HMGA2: variants seen among roughly 807,000 people sequenced by gnomAD.
HMGA2 encodes the protein high mobility group AT-hook 2.
Under a neutral mutation model 19.1 loss-of-function variants are expected in HMGA2, and 8 were observed. The ratio of observed to expected loss-of-function variants is 0.42; its 90% CI spans 0.25 to 0.76. HMGA2 has a LOEUF of 0.76. HMGA2 is among the 30% of genes least tolerant of loss of function. The pLI is 0.28. For missense variants in HMGA2, 109 were observed against 136.3 expected, an observed-to-expected ratio of 0.80 and a Z score of 1.00; for synonymous variants, 60 against 48.8, an observed-to-expected ratio of 1.23 and a Z score of -0.96.
chr12:65,961,554 G>A (rs1016765765), intron 4 of HMGA2, among the ~76,000 whole-genome samples: 1 of 152,144 alleles, frequency 6.6e-6, no homozygotes, highest in African/African-American at 2.4e-5. Flanking sequence ...AAACAAAACC[G>A]GTGTGAAATC....
chr12:65,909,914 G>T (rs1183106162), intron 3 of HMGA2, among the ~76,000 whole-genome samples: 1 of 152,232 alleles, frequency 6.6e-6, no homozygotes, highest in Non-Finnish European at 1.5e-5. Flanking sequence ...GACCTATTTG[G>T]CTCACGTAGT....
At chr12:65,864,247 TA>T (rs758710966) in intron 3 of HMGA2, among the ~76,000 whole-genome samples, 9 of 151,768 alleles carry the variant, frequency 5.9e-5, no homozygotes, top group South Asian at 2.1e-4. Flanking sequence ...TCCTAATTCA[TA>T]AAAAAAACAC....
intron 3 of HMGA2, among the ~76,000 whole-genome samples, chr12:65,886,519 C>G (rs1054021316): frequency 6.6e-6 from 1 of 152,048 alleles, no homozygotes; most frequent in African/African-American, 2.4e-5. Flanking sequence ...TCCCCATGCC[C>G]GGCTAATATT....
chr12:65,855,439 TTCTCTCTC>T (rs796480425), intron 3 of HMGA2, among the ~76,000 whole-genome samples: 1 of 116,762 alleles, frequency 8.6e-6, no homozygotes, highest in African/African-American at 2.9e-5. Flanking sequence ...CTCTTTCTCT[TTCTCTCTC>T]TCTCTCTCTC....
intron 3 of HMGA2, chr12:65,874,068 A>G (rs1363131349): frequency 6.6e-6 from 1 of 152,202 alleles, no homozygotes; most frequent in East Asian, 1.9e-4. Context: ...ATAAAACAGA[A>G]GCAAATTTGT....
intron 3 of HMGA2, chr12:65,915,087 A>G (rs756727017): frequency 1.9e-6 from 3 of 1,613,944 alleles, no homozygotes; most frequent in South Asian, 1.1e-5. Context: ...ACCAGCTCCA[A>G]GAAGAAAACA....
intron 3 of HMGA2, among the ~76,000 whole-genome samples, chr12:65,876,499 A>G (rs1485123606): frequency 6.6e-6 from 1 of 152,262 alleles, no homozygotes; most frequent in Non-Finnish European, 1.5e-5. Context: ...CTTAATATGT[A>G]CACAACTATA....
intron 3 of HMGA2, among the ~76,000 whole-genome samples, chr12:65,923,064 A>C (rs1254041922): frequency 2.0e-5 from 3 of 152,126 alleles, no homozygotes; most frequent in Admixed American, 1.3e-4. Flanking sequence ...CTAATACACC[A>C]ACCTTGGGAA....
At chr12:65,851,714 G>T in intron 3 of HMGA2, 2 of 394,410 alleles carry the variant, frequency 5.1e-6, no homozygotes. Flanking sequence ...AAAATATGTT[G>T]TCAGCTTTCC....
At chr12:65,857,070 T>C (rs1219983700) in intron 3 of HMGA2, 2 of 152,240 alleles carry the variant, frequency 1.3e-5, no homozygotes, top group African/African-American at 4.8e-5. Context: ...GTATTTGTAA[T>C]GCATAATGAG....
At chr12:65,949,056 G>C (rs1475047065) in intron 3 of HMGA2, among the ~76,000 whole-genome samples, 1 of 152,132 alleles carries the variant, frequency 6.6e-6, no homozygotes, top group Non-Finnish European at 1.5e-5. Flanking sequence ...TCTTCCAAAT[G>C]ACCCTTTGGA....
At chr12:65,921,252 A>AGTTTTT (rs1431343231) in intron 3 of HMGA2, among the ~76,000 whole-genome samples, 2 of 152,024 alleles carry the variant, frequency 1.3e-5, no homozygotes, top group Non-Finnish European at 2.9e-5. Context: ...AAAGGCATTC[A>AGTTTTT]GTTTTTGTTT....
intron 2 of HMGA2, among the ~76,000 whole-genome samples, chr12:65,831,458 A>G (rs73115418): frequency 0.017 from 2,626 of 151,954 alleles, 46 homozygotes; most frequent in South Asian, 0.04. Context: ...ATGAAAATAA[A>G]AAAAAAAGAT....
At chr12:65,929,977 T>C (rs1691440103) in intron 3 of HMGA2, among the ~76,000 whole-genome samples, 2 of 152,068 alleles carry the variant, frequency 1.3e-5, no homozygotes, top group South Asian at 4.2e-4. Context: ...GTAAGAACTG[T>C]AGAGGGGGGA....
chr12:65,881,626 AGGAGGGAGGGAG>A (rs369335424), intron 3 of HMGA2: 4 of 597,994 alleles, frequency 6.7e-6, no homozygotes, highest in African/African-American at 2.0e-5. Flanking sequence ...GAGGGAGCGA[AGGAGGGAGGGAG>A]GGAGGGAGGG....
At chr12:65,845,972 T>A (rs1328147256) in intron 3 of HMGA2, among the ~76,000 whole-genome samples, 1 of 152,200 alleles carries the variant, frequency 6.6e-6, no homozygotes, top group Non-Finnish European at 1.5e-5. Flanking sequence ...GCCATTTCAC[T>A]GCTCATTAGC....
chr12:65,881,838 C>A (rs1472060198), intron 3 of HMGA2: 1 of 703,020 alleles, frequency 1.4e-6, no homozygotes, highest in East Asian at 2.7e-5. Flanking sequence ...ACATTCCCTT[C>A]CTTGAACTGC....
Position 65,955,161 on chromosome 12 carries a change from G to A in HMGA2, c.282+3746G>A, listed in dbSNP as rs181741227. 3.9e-5 allele frequency: 6 copies of A among 152,248 alleles called. No individual in the cohort carries two copies. The East Asian group carries it at 1.2e-3, about 29-fold the overall frequency. 9.4% of individuals were successfully genotyped at this position (152,248 alleles called of 1,614,324 possible). A position where few individuals can be genotyped will look rare whatever the true frequency, so the allele number is the denominator to read the frequency against. ...GATTGTGCCACTGCACCCCAGCCTG[G>A]GTGACAGCGAGACTCCATCTCAAAA... is the stretch of plus-strand genomic sequence containing the variant. On this transcript the variant is annotated intron_variant, in intron 4 of 4. Transcript: ENST00000403681.
chr12:65,896,505 T>C (rs1024073158), intron 3 of HMGA2, among the ~76,000 whole-genome samples: 2 of 152,178 alleles, frequency 1.3e-5, no homozygotes, highest in Non-Finnish European at 2.9e-5. Flanking sequence ...AGGGGGAGTG[T>C]GGTGCTTTCT....
Sources: allele counts gnomAD v4.1 joint callset (sites outside exome capture counted in the v4.1 genomes callset), GRCh38; gene constraint gnomAD v4.1.1; transcripts MANE v1.5; gene names NCBI Gene and HGNC (gene_info 2026-07-23, HGNC 2026-07-21).